Variants in AQP7 observed in about 807,000 individuals in gnomAD.
AQP7 encodes aquaporin-7.
A neutral mutation model predicts 26.1 loss-of-function variants in AQP7; 22 were observed. That is an observed-to-expected ratio of 0.84 (90% CI 0.60 to 1.20). The LOEUF is 1.20. Among genes scored for constraint, AQP7 ranks in the 50% most tolerant of loss-of-function variants. AQP7 has a pLI of 0.00. For synonymous variants in AQP7, 167 were observed against 181.7 expected, an observed-to-expected ratio of 0.92 and a Z score of 0.65; for missense variants, 412 against 457.5, an observed-to-expected ratio of 0.90 and a Z score of 0.91.
At chr9:33,386,034 G>A in intron 6 of AQP7, 43 bp downstream of exon 6, 1 of 1,610,888 alleles carries the variant, frequency 6.2e-7, no homozygotes, top group East Asian at 2.2e-5. Flanking sequence ...CCGTCCTGAG[G>A]GGTGGAGGGC....
Position 33,402,425 on chromosome 9 carries a change from C to A in AQP7, c.-78G>T, listed in dbSNP as rs760878067. The A allele has an allele frequency of 6.5e-6, 1 of 152,848 alleles. No homozygotes were observed. The highest frequency in any genetic ancestry group is 1.9e-4 in the East Asian group (1 of 5,192). The allele number at this position is 152,848 out of a possible 1,614,324, so 9.5% of individuals were successfully genotyped here. Reference sequence around the variant, plus strand: ...CTCCGCCTTGGGGGCTTCTCAGTTACAGCGCATCTTGATCTTGTTCCTCCG... The same window carrying A: ...CTCCGCCTTGGGGGCTTCTCAGTTAAAGCGCATCTTGATCTTGTTCCTCCG... On this transcript the variant is annotated 5_prime_UTR_variant, in exon 1 of 8. Transcript: ENST00000297988.
Position 33,401,220 on chromosome 9 carries a change from G to T in AQP7, c.26+17C>A, listed in dbSNP as rs1395714538. ...AGGACAGGGGGCTGGAGGGTGAGAA[G>T]AGGGTGGGGTACTTACCGCCTGTGC... On this transcript the variant is annotated intron_variant, in intron 2 of 7. Transcript: ENST00000297988. 2.8e-5 allele frequency: 43 copies of T among 1,549,108 alleles called. No homozygotes were observed. Among genetic ancestry groups the T allele is most frequent in the Non-Finnish European group, 3.7e-5 (42 of 1,146,638 alleles).
At chr9:33,388,131 T>C (rs1825039481) in intron 3 of AQP7, among the ~76,000 whole-genome samples, 1 of 152,108 alleles carries the variant, frequency 6.6e-6, no homozygotes, top group Non-Finnish European at 1.5e-5. Context: ...GCGCTAAAAT[T>C]CCCGTCATCT....
intron 3 of AQP7, among the ~76,000 whole-genome samples, chr9:33,390,691 G>A (rs1446057919): frequency 6.6e-6 from 1 of 152,166 alleles, no homozygotes; most frequent in Non-Finnish European, 1.5e-5. Flanking sequence ...AGGGGGGAGT[G>A]AGGCCAGGAC....
At position 33,386,135 on chromosome 9, in the gene AQP7, C is replaced by T; in HGVS notation, c.467G>A (p.Gly156Asp). ...ATCAGGAAGGTAGGTGGCAAAAATG[C>T]CAGCTGTAGCGACGGGACCGGTCAC... Reference protein sequence around the residue: ...LMVTGPVATAGIFATYLPDHM... With the variant: ...LMVTGPVATADIFATYLPDHM... The change falls in exon 6 of 8, where the codon GGC becomes GAC. Residue 156 changes from glycine to aspartate, a missense_variant. By Grantham distance (94) the Gly-to-Asp change is moderately conservative. Coordinates refer to ENST00000297988, the MANE Select transcript of AQP7 (RefSeq NM_001170.3). The T allele has an allele frequency of 1.9e-6, 3 of 1,613,964 alleles. No individual in the cohort carries two copies. Among genetic ancestry groups the T allele is most frequent in the African/African-American group, 2.7e-5 (2 of 75,054 alleles).
intron 3 of AQP7, among the ~76,000 whole-genome samples, chr9:33,394,787 C>T (rs372333205): frequency 3.3e-5 from 5 of 152,110 alleles, no homozygotes; most frequent in Admixed American, 6.5e-5. Context: ...CATGAGCCAC[C>T]GCACCTGGGC....
At chr9:33,389,694 G>A (rs1825198213) in intron 3 of AQP7, among the ~76,000 whole-genome samples, 1 of 152,142 alleles carries the variant, frequency 6.6e-6, no homozygotes, top group African/African-American at 2.4e-5. Flanking sequence ...CATGAGGGCC[G>A]AAGTCAAAGC....
At position 33,392,878 on chromosome 9, in the gene AQP7, C is replaced by T. The variant is rs937863835; in HGVS notation, c.144+2200G>A. 1.1e-4 allele frequency among the ~76,000 whole-genome samples: 16 copies of T among 152,162 alleles called. 1 individual carries two copies. Among genetic ancestry groups the T allele is most frequent in the Non-Finnish European group, 1.2e-4 (8 of 68,028 alleles). On this transcript the variant is annotated intron_variant, in intron 3 of 7. Transcript: ENST00000297988. Reference sequence around the variant, plus strand: ...GGTGTACTGGGTGCTGAGACTTGGCCTTCTTCACACAAGTCCTCCAGTTTG... The same window carrying T: ...GGTGTACTGGGTGCTGAGACTTGGCTTTCTTCACACAAGTCCTCCAGTTTG...
rs1824750542 is a variant in AQP7 at position 33,386,087 on chromosome 9, A to C, written c.515T>G (p.Phe172Cys). Residue 172 changes from phenylalanine (F) to cysteine (C), a missense_variant, in exon 6 of 8, where the codon TTC becomes TGC. Coordinates refer to ENST00000297988, the MANE Select transcript of AQP7 (RefSeq NM_001170.3). ...LPDHMTLWRG[F>C]LNEAWLTGML... ...TCCTCGACCACTGACCTCATTCAGG[A>C]AGCCCCGCCACAATGTCATGTGATC... 2 of 1,613,346 alleles carry C rather than the reference A, an allele frequency of 1.2e-6. No homozygotes were observed. Among genetic ancestry groups the C allele is most frequent in the Non-Finnish European group, 1.7e-6 (2 of 1,179,850 alleles).
At chr9:33,397,847 C>T (rs866847335) in intron 2 of AQP7, among the ~76,000 whole-genome samples, 1 of 152,162 alleles carries the variant, frequency 6.6e-6, no homozygotes, top group Non-Finnish European at 1.5e-5. Context: ...CTGGCTCCTT[C>T]CTCATCACCA....
chr9:33,392,220 G>T (rs62544571), intron 3 of AQP7, among the ~76,000 whole-genome samples: 2 of 151,470 alleles, frequency 1.3e-5, no homozygotes, highest in Non-Finnish European at 2.9e-5. Context: ...AGGCTGAGGC[G>T]CAAGAATCGC....
At chr9:33,392,968 C>G (rs1825545599) in intron 3 of AQP7, among the ~76,000 whole-genome samples, 2 of 152,186 alleles carry the variant, frequency 1.3e-5, no homozygotes, top group African/African-American at 4.8e-5. Context: ...TGACTCACGC[C>G]AGCAATCCCA....
intron 4 of AQP7, among the ~76,000 whole-genome samples, 153 bp downstream of exon 4, chr9:33,386,816 C>T (rs974544444): frequency 6.6e-6 from 1 of 152,182 alleles, no homozygotes; most frequent in Non-Finnish European, 1.5e-5. Flanking sequence ...GCAAACACGT[C>T]ATAGGCACGG....
At chr9:33,398,324 C>T (rs1170670263) in intron 2 of AQP7, among the ~76,000 whole-genome samples, 3 of 151,158 alleles carry the variant, frequency 2.0e-5, no homozygotes, top group Admixed American at 1.3e-4. Flanking sequence ...GCCTCATGGC[C>T]CACATTAGGG....
rs1448923340 is a variant in AQP7, at chr9:33,384,068, A to T, written c.*937T>A. 1 of 152,302 alleles carries T rather than the reference A, an allele frequency of 6.6e-6. No individual in the cohort carries two copies. Among genetic ancestry groups the T allele is most frequent in the East Asian group, 1.9e-4 (1 of 5,202 alleles). 9.4% of individuals were successfully genotyped at this position (152,302 alleles called of 1,614,324 possible). A position where few individuals can be genotyped will look rare whatever the true frequency, so the allele number is the denominator to read the frequency against. On this transcript the variant is annotated 3_prime_UTR_variant, in exon 8 of 8. Transcript: ENST00000297988. ...GGCAAAATGCATGAGCAAGGACAGG[A>T]ACCATGGGTGATGCTGCCTTCTGAG...
chr9:33,396,129 G>T (rs1825828925), intron 2 of AQP7, among the ~76,000 whole-genome samples: 1 of 152,054 alleles, frequency 6.6e-6, no homozygotes, highest in Non-Finnish European at 1.5e-5. Flanking sequence ...GGCGGGGTGG[G>T]CCTGGAGGAT....
intron 2 of AQP7, 64 bp downstream of exon 2, chr9:33,401,173 G>T (rs1445572923): frequency 1.3e-6 from 2 of 1,517,396 alleles, no homozygotes; most frequent in Non-Finnish European, 1.8e-6. Flanking sequence ...GAACAGGGAG[G>T]GCACTGAAGT....
intron 2 of AQP7, among the ~76,000 whole-genome samples, chr9:33,397,298 G>C (rs1434929914): frequency 6.6e-6 from 1 of 151,904 alleles, no homozygotes; most frequent in Non-Finnish European, 1.5e-5. Flanking sequence ...GATTTCCTTG[G>C]TGTTCTTGGC....
At chr9:33,393,544 C>G (rs1022139042) in intron 3 of AQP7, among the ~76,000 whole-genome samples, 5 of 152,226 alleles carry the variant, frequency 3.3e-5, no homozygotes, top group African/African-American at 1.2e-4. Context: ...CCTTTGCCTC[C>G]CTTCCCAGAG....
Sources: gnomAD v4.1 joint callset for allele counts (sites outside exome capture counted in the v4.1 genomes callset) on GRCh38, gnomAD v4.1.1 for gene constraint, MANE v1.5 for transcripts, NCBI Gene and HGNC (gene_info 2026-07-23, HGNC 2026-07-21) for gene names.